Variants in ABCA9 observed in about 807,000 individuals in gnomAD.
ABCA9 encodes the protein ATP-binding cassette sub-family A member 9.
In ABCA9, 183 loss-of-function variants were observed where a neutral mutation model predicts 205.3. The ratio of observed to expected loss-of-function variants is 0.89; its 90% CI spans 0.79 to 1.01. ABCA9 has a LOEUF of 1.01. Ranked by LOEUF, ABCA9 falls within the 50% of genes least tolerant of loss-of-function variation. The pLI is 0.00. For synonymous variants in ABCA9, 651 were observed against 683.3 expected (o/e 0.95, Z 0.74); for missense variants, 1,805 against 1,912.4 (o/e 0.94, Z 1.05).
intron 24 of ABCA9, 95 bp from the exon 25 acceptor site, chr17:69,007,967 A>G: frequency 7.0e-7 from 1 of 1,428,278 alleles, no homozygotes; most frequent in Admixed American, 2.0e-5. Flanking sequence ...GCAATAGCAC[A>G]GGTAATTTGA....
At chr17:69,065,623 ACT>A (rs1477757531), upstream of ABCA9, among the ~76,000 whole-genome samples, 4 of 151,862 alleles carry the variant, frequency 2.6e-5, no homozygotes, top group Non-Finnish European at 4.4e-5. Flanking sequence ...CCTGTAACTA[ACT>A]CCGGTTCACA....
chr17:68,997,631 T>TATTTA (rs2069676786), intron 25 of ABCA9, among the ~76,000 whole-genome samples: 1 of 151,356 alleles, frequency 6.6e-6, no homozygotes, highest in South Asian at 2.1e-4. Context: ...TTTTATTATT[T>TATTTA]ATTTATTCAT....
At chr17:69,051,482 C>G in intron 1 of ABCA9, 1 of 252,156 alleles carries the variant, frequency 4.0e-6, no homozygotes, top group Non-Finnish European at 7.7e-6. Flanking sequence ...GGGGTACAAA[C>G]TAACCCAGTC....
At chr17:69,061,834 G>C (rs973801279), upstream of ABCA9, among the ~76,000 whole-genome samples, 4 of 152,124 alleles carry the variant, frequency 2.6e-5, no homozygotes, top group Middle Eastern at 3.2e-3. Flanking sequence ...TGAAGAAGAG[G>C]GGGGAAAGGA....
At chr17:69,026,268 G>A (rs1217277493) in intron 16 of ABCA9, 109 bp downstream of exon 16, 6 of 806,270 alleles carry the variant, frequency 7.4e-6, no homozygotes, top group Admixed American at 7.0e-5. Context: ...TAGCTCCCTT[G>A]AAATGAACTT....
chr17:69,059,102 G>T (rs560003959), intron 1 of ABCA9, among the ~76,000 whole-genome samples: 1 of 152,188 alleles, frequency 6.6e-6, no homozygotes, highest in African/African-American at 2.4e-5. Context: ...ACCTCCTCCT[G>T]CGTCCCTCCC....
At chr17:69,021,709 C>A (rs754775210) in intron 18 of ABCA9, 33 bp downstream of exon 18, 6 of 1,355,116 alleles carry the variant, frequency 4.4e-6, no homozygotes, top group Non-Finnish European at 6.1e-6. Context: ...TTCTTTCTTT[C>A]TCCCTTTCTT....
chr17:69,019,409 A>C (rs2070741511), intron 19 of ABCA9, among the ~76,000 whole-genome samples: 2 of 152,122 alleles, frequency 1.3e-5, no homozygotes, highest in African/African-American at 4.8e-5. Flanking sequence ...CAATTAACTC[A>C]GATTAATAGT....
At chr17:68,989,147 T>C in intron 30 of ABCA9, 29 bp from the exon 31 acceptor site, 1 of 1,422,800 alleles carries the variant, frequency 7.0e-7, no homozygotes, top group East Asian at 2.3e-5. Flanking sequence ...CTCAGAAATA[T>C]ACAAATAATT....
chr17:69,078,749 T>C, the ABCA9 span: 1 of 359,710 alleles, frequency 2.8e-6, no homozygotes, highest in Non-Finnish European at 4.9e-6. Context: ...TGCCTGACTC[T>C]TTGGGTGACT....
At chr17:68,989,254 T>TCA (rs1423044410) in intron 30 of ABCA9, 136 bp from the exon 31 acceptor site, 167 of 416,812 alleles carry the variant, frequency 4.0e-4, no homozygotes, top group South Asian at 3.0e-3. Flanking sequence ...TCTCTCTCTC[T>TCA]CTCACACACA....
Position 68,995,911 on chromosome 17 carries a change from A to G in ABCA9, c.3539T>C (p.Leu1180Pro), listed in dbSNP as rs1490228080. The G allele has an allele frequency of 6.2e-7, 1 of 1,613,590 alleles. No homozygotes were observed. The highest frequency in any genetic ancestry group is 1.7e-4 in the Middle Eastern group (1 of 6,058). Residue 1180 changes from leucine (L) to proline (P), a missense_variant, in exon 26 of 39, where the codon CTA becomes CCA. Coordinates refer to ENST00000340001, the MANE Select transcript of ABCA9 (RefSeq NM_080283.4). ...ACTACTTACCTCAGAAAAAATGAAT[A>G]GAGAGCCAATCAATGTGAAGGGAGG... ...LIPPFTLIGS[L>P]FIFSEISPDS... is the part of the protein sequence containing the mutation.
intron 22 of ABCA9, 83 bp downstream of exon 22, chr17:69,016,170 T>C: frequency 9.8e-7 from 1 of 1,023,792 alleles, no homozygotes; most frequent in Non-Finnish European, 1.3e-6. Flanking sequence ...TCACAAAAAG[T>C]AATATAACAT....
intron 28 of ABCA9, among the ~76,000 whole-genome samples, chr17:68,991,597 ACTCTT>A (rs1404751784): frequency 6.6e-6 from 1 of 151,908 alleles, no homozygotes; most frequent in African/African-American, 2.4e-5. Context: ...TCATCTTGTC[ACTCTT>A]CTCTGCTACC....
intron 1 of ABCA9, among the ~76,000 whole-genome samples, chr17:69,055,374 G>C (rs934490430): frequency 5.3e-5 from 8 of 152,114 alleles, no homozygotes; most frequent in Non-Finnish European, 1.0e-4. Context: ...AGATGGAGTA[G>C]AATTCTAAAA....
At chr17:68,986,955 G>A (rs1167169973) in intron 31 of ABCA9, among the ~76,000 whole-genome samples, 1 of 152,134 alleles carries the variant, frequency 6.6e-6, no homozygotes, top group Non-Finnish European at 1.5e-5. Flanking sequence ...TTTTAGCACT[G>A]TATCTAGCCC....
intron 36 of ABCA9, among the ~76,000 whole-genome samples, chr17:68,982,963 A>C (rs1450214881): frequency 6.6e-6 from 1 of 152,184 alleles, no homozygotes; most frequent in East Asian, 1.9e-4. Flanking sequence ...CGGTGATTGC[A>C]CCACTGCACT....
rs114351774 is a variant in ABCA9, at chr17:69,021,176, G to A, written c.2401+566C>T. On this transcript the variant is annotated intron_variant, in intron 18 of 38. Transcript: ENST00000340001. ...AAAATGAATAAGAGAGGAAAAGGAGGATTAAAGAAAAATGCTTGATCAATC... is the reference window on the plus strand; with the variant it reads ...AAAATGAATAAGAGAGGAAAAGGAGAATTAAAGAAAAATGCTTGATCAATC... 3.6e-3 allele frequency among the ~76,000 whole-genome samples: 537 copies of A among 151,102 alleles called. 2 individuals are homozygous for A. The highest frequency in any genetic ancestry group is 0.013 in the African/African-American group (516 of 41,160).
At chr17:69,054,768 A>G (rs1260624114) in intron 1 of ABCA9, among the ~76,000 whole-genome samples, 3 of 151,982 alleles carry the variant, frequency 2.0e-5, no homozygotes, top group African/African-American at 7.2e-5. Context: ...CTTATCTGTA[A>G]GTGAAATGAA....
Sources: allele counts gnomAD v4.1 joint callset (sites outside exome capture counted in the v4.1 genomes callset), GRCh38; gene constraint gnomAD v4.1.1; transcripts MANE v1.5; gene names NCBI Gene and HGNC (gene_info 2026-07-23, HGNC 2026-07-21).